Variants in THSD7B observed in about 807,000 individuals in gnomAD.
THSD7B encodes thrombospondin type-1 domain-containing protein 7B.
In THSD7B, 138 loss-of-function variants were observed where a neutral mutation model predicts 213.6. That is an observed-to-expected ratio of 0.65 (90% confidence interval 0.56 to 0.74). THSD7B has a LOEUF of 0.74. Ranked by LOEUF, THSD7B falls within the 30% of genes least tolerant of loss-of-function variation. The probability of loss-of-function intolerance (pLI) is 0.00; values close to 1 mark genes in which losing one functional copy is unlikely to be tolerated. For missense variants in THSD7B, 1,931 were observed against 1,991.5 expected (o/e 0.97, Z 0.58); for synonymous variants, 742 against 687.0 (o/e 1.08, Z -1.25).
At chr2:136,895,420 A>T (rs1683939130) in intron 2 of THSD7B, among the ~76,000 whole-genome samples, 1 of 147,544 alleles carries the variant, frequency 6.8e-6, no homozygotes, top group Middle Eastern at 3.5e-3. Context: ...TCTCATTAAT[A>T]AAAAAAAATA....
At chr2:137,291,153 T>A (rs548969042) in intron 12 of THSD7B, among the ~76,000 whole-genome samples, 1 of 152,130 alleles carries the variant, frequency 6.6e-6, no homozygotes, top group African/African-American at 2.4e-5. Flanking sequence ...GCTCATCAGC[T>A]CTTGCTTTCT....
chr2:137,522,757 C>T (rs1311750691), intron 15 of THSD7B, among the ~76,000 whole-genome samples: 1 of 152,186 alleles, frequency 6.6e-6, no homozygotes, highest in African/African-American at 2.4e-5. Context: ...GATTAGAAAT[C>T]TCTCAGCAGA....
At chr2:136,910,578 G>A (rs1684240071) in intron 2 of THSD7B, among the ~76,000 whole-genome samples, 1 of 152,168 alleles carries the variant, frequency 6.6e-6, no homozygotes, top group South Asian at 2.1e-4. Context: ...AGGTGTTAGT[G>A]AATGTTATGA....
At chr2:137,113,200 C>G (rs189448264) in intron 4 of THSD7B, among the ~76,000 whole-genome samples, 6 of 152,210 alleles carry the variant, frequency 3.9e-5, no homozygotes, top group Admixed American at 3.9e-4. Context: ...TACCCCATTT[C>G]ATTTTGCCCT....
chr2:137,328,009 T>C (rs1684410881), intron 12 of THSD7B, among the ~76,000 whole-genome samples: 1 of 152,188 alleles, frequency 6.6e-6, no homozygotes, highest in South Asian at 2.1e-4. Flanking sequence ...GCCGTTGCAA[T>C]GTTTCTCCCT....
At chr2:137,204,877 T>C (rs1447953407) in intron 7 of THSD7B, among the ~76,000 whole-genome samples, 5 of 152,110 alleles carry the variant, frequency 3.3e-5, no homozygotes, top group Admixed American at 6.6e-5. Flanking sequence ...ACTGGCACTG[T>C]TATAACTAAG....
chr2:137,544,098 C>A (rs1424545369), intron 15 of THSD7B, among the ~76,000 whole-genome samples: 2 of 151,610 alleles, frequency 1.3e-5, no homozygotes, highest in Non-Finnish European at 2.9e-5. Context: ...CATGACCCAG[C>A]AATTCTACTT....
chr2:137,243,539 G>A (rs139504342), intron 10 of THSD7B, among the ~76,000 whole-genome samples: 4 of 152,358 alleles, frequency 2.6e-5, no homozygotes, highest in Non-Finnish European at 5.9e-5. Flanking sequence ...AAAGAAGAAA[G>A]TATGCAGTTC....
intron 1 of THSD7B, among the ~76,000 whole-genome samples, chr2:136,789,262 T>C (rs1681920674): frequency 6.6e-6 from 1 of 152,042 alleles, no homozygotes; most frequent in Non-Finnish European, 1.5e-5. Context: ...CTTTTTAACA[T>C]GAAAAAGGTG....
At chr2:137,243,903 T>C (rs1681967779) in intron 10 of THSD7B, among the ~76,000 whole-genome samples, 1 of 152,200 alleles carries the variant, frequency 6.6e-6, no homozygotes, top group Non-Finnish European at 1.5e-5. Flanking sequence ...AATAAATACA[T>C]TGAATAAGAA....
intron 15 of THSD7B, among the ~76,000 whole-genome samples, chr2:137,554,378 C>T (rs1680909008): frequency 6.6e-6 from 1 of 152,146 alleles, no homozygotes; most frequent in South Asian, 2.1e-4. Context: ...CCAATAAACA[C>T]TTAAACAAAT....
intron 15 of THSD7B, among the ~76,000 whole-genome samples, chr2:137,530,685 A>G (rs1680380389): frequency 6.6e-6 from 1 of 151,996 alleles, no homozygotes; most frequent in Non-Finnish European, 1.5e-5. Context: ...GATAGCTGTC[A>G]TAGGCTTGAT....
At chr2:137,300,449 C>A (rs1387649129) in intron 12 of THSD7B, among the ~76,000 whole-genome samples, 2 of 152,040 alleles carry the variant, frequency 1.3e-5, no homozygotes, top group East Asian at 3.9e-4. Flanking sequence ...ACTGATGCAA[C>A]TTGGTCCAGT....
At chr2:136,884,737 C>A (rs925475356) in intron 2 of THSD7B, among the ~76,000 whole-genome samples, 1 of 152,034 alleles carries the variant, frequency 6.6e-6, no homozygotes, top group Non-Finnish European at 1.5e-5. Flanking sequence ...GCACATAGGC[C>A]AACCTCATCT....
intron 12 of THSD7B, among the ~76,000 whole-genome samples, chr2:137,338,077 C>T (rs1410726013): frequency 2.6e-5 from 4 of 152,062 alleles, no homozygotes; most frequent in Non-Finnish European, 4.4e-5. Flanking sequence ...CTCACTTATC[C>T]TTCAATCCGT....
intron 2 of THSD7B, among the ~76,000 whole-genome samples, chr2:137,053,948 G>A (rs1253849495): frequency 6.6e-6 from 1 of 151,916 alleles, no homozygotes; most frequent in Non-Finnish European, 1.5e-5. Flanking sequence ...GTAACTGTGG[G>A]AATTTTGGGG....
At chr2:137,236,396 C>T (rs13027191) in intron 9 of THSD7B, among the ~76,000 whole-genome samples, 8,036 of 152,218 alleles carry the variant, frequency 0.053, 227 homozygotes, top group Admixed American at 0.073. Context: ...TACGAGTAAT[C>T]GAACTGATCA....
At chr2:137,064,597 C>T (rs1199261333) in intron 3 of THSD7B, among the ~76,000 whole-genome samples, 1 of 151,824 alleles carries the variant, frequency 6.6e-6, no homozygotes, top group African/African-American at 2.4e-5. Flanking sequence ...TGAAGAGTTT[C>T]CTCAGTGTTT....
intron 15 of THSD7B, among the ~76,000 whole-genome samples, chr2:137,464,238 T>C (rs2105083868): frequency 6.6e-6 from 1 of 152,174 alleles, no homozygotes; most frequent in Middle Eastern, 3.4e-3. Context: ...CCCAAAACCC[T>C]CAAAACATAT....
Sources: allele counts gnomAD v4.1 joint callset (sites outside exome capture counted in the v4.1 genomes callset), GRCh38; gene constraint gnomAD v4.1.1; transcripts MANE v1.5; gene names NCBI Gene and HGNC (gene_info 2026-07-23, HGNC 2026-07-21).